The following WDR72 variants were observed in gnomAD, a reference collection of about 807,000 sequenced individuals.
WDR72 encodes the protein WD repeat domain 72.
Under a neutral mutation model 124.2 loss-of-function variants are expected in WDR72, and 120 were observed. The observed-to-expected ratio is 0.97, with a 90% CI of 0.83 to 1.12. The LOEUF (loss-of-function observed/expected upper bound fraction) is 1.12. Ranked by LOEUF, WDR72 falls within the 50% of genes most tolerant of loss-of-function variation. WDR72 has a pLI of 0.00. For missense variants in WDR72, 1,387 were observed against 1,278.8 expected, an observed-to-expected ratio of 1.08 and a Z score of -1.29; for synonymous variants, 452 against 441.7, an observed-to-expected ratio of 1.02 and a Z score of -0.29.
chr15:53,656,404 TAA>T (rs1401306966), intron 14 of WDR72, among the ~76,000 whole-genome samples: 1 of 152,096 alleles, frequency 6.6e-6, no homozygotes, highest in African/African-American at 2.4e-5. Context: ...TTCCAATAAA[TAA>T]AGATAAAGTC....
intron 18 of WDR72, among the ~76,000 whole-genome samples, chr15:53,593,927 TCTTA>T (rs1419598757): frequency 6.6e-6 from 1 of 152,060 alleles, no homozygotes; most frequent in Non-Finnish European, 1.5e-5. Context: ...GGAATCTCTT[TCTTA>T]GAGTATAGTT....
chr15:53,658,642 T>C (rs2015509319), intron 14 of WDR72, among the ~76,000 whole-genome samples: 1 of 152,110 alleles, frequency 6.6e-6, no homozygotes, highest in Non-Finnish European at 1.5e-5. Flanking sequence ...CAATATACAA[T>C]AGGCACACAA....
At chr15:53,634,879 A>G (rs2014567860) in intron 14 of WDR72, among the ~76,000 whole-genome samples, 1 of 152,196 alleles carries the variant, frequency 6.6e-6, no homozygotes, top group East Asian at 1.9e-4. Context: ...CACCCTTAAC[A>G]GGCAGCAAAG....
intron 18 of WDR72, among the ~76,000 whole-genome samples, chr15:53,580,973 G>A: frequency 6.6e-6 from 1 of 151,724 alleles, no homozygotes; most frequent in East Asian, 1.9e-4. Context: ...TTTGTTTTAA[G>A]CAATTGTTTA....
At chr15:53,523,440 T>TAAAC (rs1188767190) in intron 18 of WDR72, 118 bp from the exon 19 acceptor site, 6 of 890,510 alleles carry the variant, frequency 6.7e-6, no homozygotes, top group Middle Eastern at 3.1e-4. Context: ...ACACACTATG[T>TAAAC]AAACACAAAT....
intron 13 of WDR72, among the ~76,000 whole-genome samples, chr15:53,683,022 G>T (rs184984855): frequency 6.6e-6 from 1 of 152,214 alleles, no homozygotes; most frequent in African/African-American, 2.4e-5. Context: ...CTTACACAGT[G>T]GTAGGAGAGA....
At chr15:53,713,368 T>C (rs1346326667) in intron 6 of WDR72, among the ~76,000 whole-genome samples, 2 of 116,562 alleles carry the variant, frequency 1.7e-5, no homozygotes. Context: ...TCTAAAATGA[T>C]GACTAAAAAA....
intron 17 of WDR72, among the ~76,000 whole-genome samples, chr15:53,601,394 A>G (rs984560661): frequency 1.3e-5 from 2 of 152,218 alleles, no homozygotes; most frequent in African/African-American, 4.8e-5. Context: ...GTTACCAGCC[A>G]TTACAAAAAC....
intron 16 of WDR72, among the ~76,000 whole-genome samples, chr15:53,609,965 C>T (rs2013469224): frequency 6.6e-6 from 1 of 151,988 alleles, no homozygotes; most frequent in African/African-American, 2.4e-5. Context: ...TTTGCTGACC[C>T]AAGACAGATC....
intron 13 of WDR72, among the ~76,000 whole-genome samples, chr15:53,671,016 A>G (rs1456250562): frequency 6.6e-6 from 1 of 152,144 alleles, no homozygotes; most frequent in African/African-American, 2.4e-5. Flanking sequence ...GTAGGATTAT[A>G]TATTTGACTT....
chr15:53,642,245 T>C (rs1448106454), intron 14 of WDR72, among the ~76,000 whole-genome samples: 1 of 151,986 alleles, frequency 6.6e-6, no homozygotes, highest in Non-Finnish European at 1.5e-5. Flanking sequence ...TAGCATATAG[T>C]CCCAAATTGC....
intron 18 of WDR72, among the ~76,000 whole-genome samples, chr15:53,538,468 C>A (rs899655514): frequency 2.6e-5 from 4 of 152,054 alleles, no homozygotes; most frequent in African/African-American, 9.7e-5. Flanking sequence ...GGTCATTTGA[C>A]GGTGTATACA....
chr15:53,761,223 A>G (rs1321389784), upstream of WDR72, among the ~76,000 whole-genome samples: 1 of 152,248 alleles, frequency 6.6e-6, no homozygotes, highest in African/African-American at 2.4e-5. Context: ...AAGGTGCTCA[A>G]CATCATTGAT....
intron 14 of WDR72, among the ~76,000 whole-genome samples, chr15:53,660,750 A>G (rs1329294800): frequency 6.6e-6 from 1 of 152,160 alleles, no homozygotes; most frequent in Non-Finnish European, 1.5e-5. Context: ...GGGAGCCATT[A>G]CTTACAAATT....
rs530236561 is a variant in WDR72 at position 53,541,251 on chromosome 15, G to C, written c.3149-17929C>G. 4 of 153,242 alleles carry C rather than the reference G, an allele frequency of 2.6e-5. No individual in the cohort carries two copies. The East Asian group carries it at 5.8e-4, about 22-fold the overall frequency. The allele number at this position is 153,242 out of a possible 1,614,324, so 9.5% of individuals were successfully genotyped here. A position where few individuals can be genotyped will look rare whatever the true frequency, so the allele number is the denominator to read the frequency against. On this transcript the variant is annotated intron_variant, in intron 18 of 19. Coordinates refer to ENST00000360509, the MANE Select transcript of WDR72 (RefSeq NM_182758.4). ...CAGACTTAAATGTCCCTATCTAACA[G>C]CTTTGAAGAGAGCAGTGGTTCTCCC...
chr15:53,539,614 C>T (rs965494377), intron 18 of WDR72, among the ~76,000 whole-genome samples: 14 of 149,764 alleles, frequency 9.3e-5, no homozygotes, highest in African/African-American at 1.5e-4. Context: ...AAAGGTAATA[C>T]GTAAAGGTTT....
At chr15:53,617,862 G>A (rs1200254221) in intron 14 of WDR72, among the ~76,000 whole-genome samples, 1 of 151,806 alleles carries the variant, frequency 6.6e-6, no homozygotes, top group African/African-American at 2.4e-5. Flanking sequence ...AGGGTTTAAG[G>A]ATACCTTCAT....
intron 14 of WDR72, among the ~76,000 whole-genome samples, chr15:53,623,288 T>C (rs886446048): frequency 6.6e-6 from 1 of 151,994 alleles, no homozygotes; most frequent in Non-Finnish European, 1.5e-5. Flanking sequence ...CATTTAGTAG[T>C]CCCCAGTGGC....
chr15:53,570,069 G>C (rs1156643170), intron 18 of WDR72, among the ~76,000 whole-genome samples: 1 of 151,834 alleles, frequency 6.6e-6, no homozygotes, highest in Non-Finnish European at 1.5e-5. Context: ...AGGTGAGAAT[G>C]TATCTCATGC....
Sources: allele counts gnomAD v4.1 joint callset (sites outside exome capture counted in the v4.1 genomes callset), GRCh38; gene constraint gnomAD v4.1.1; transcripts MANE v1.5; gene names NCBI Gene and HGNC (gene_info 2026-07-23, HGNC 2026-07-21).